The following RBFOX1 variants were observed in gnomAD, a reference collection of about 807,000 sequenced individuals.
The protein encoded by RBFOX1 is RNA binding fox-1 homolog 1, also known as RNA binding protein fox-1 homolog 1.
A neutral mutation model predicts 57.7 loss-of-function variants in RBFOX1; 8 were observed. The observed-to-expected ratio is 0.14, with a 90% CI of 0.08 to 0.25. The LOEUF is 0.25. Among genes scored for constraint, RBFOX1 ranks in the 10% least tolerant of loss-of-function variants. The probability of loss-of-function intolerance (pLI) is 1.00; values close to 1 mark genes in which losing one functional copy is unlikely to be tolerated. For synonymous variants in RBFOX1, 326 were observed against 222.4 expected (o/e 1.47, Z -4.15); for missense variants, 611 against 548.5 (o/e 1.11, Z -1.14).
intron 2 of RBFOX1, among the ~76,000 whole-genome samples, chr16:6,393,532 T>C (rs2092696474): frequency 6.6e-6 from 1 of 152,170 alleles, no homozygotes; most frequent in Admixed American, 6.5e-5. Context: ...GCTTCATGCA[T>C]TCAAATCCTT....
chr16:5,590,457 C>T, intron 2 of RBFOX1, among the ~76,000 whole-genome samples: 1 of 152,132 alleles, frequency 6.6e-6, no homozygotes, highest in East Asian at 1.9e-4. Context: ...ACTGGCATTT[C>T]CTACGAAGGG....
At chr16:6,943,978 C>T (rs1036221032) in intron 3 of RBFOX1, among the ~76,000 whole-genome samples, 3 of 152,146 alleles carry the variant, frequency 2.0e-5, no homozygotes, top group Admixed American at 6.6e-5. Flanking sequence ...GGCTGCCCAA[C>T]TCACGAACTG....
rs548116451 is a variant in RBFOX1, at chr16:6,286,327, G to A, written c.-126-30668G>A. Among the ~76,000 whole-genome samples the A allele has an allele frequency of 5.9e-4, 90 of 152,052 alleles. 1 individual carries two copies. The highest frequency in any genetic ancestry group is 3.5e-3 in the Admixed American group (53 of 15,292). ...GTGAGAAATGCAGTGTCGATAACTTGGGAAGAGTTCAGAAATCTTGACTCA... is the reference window on the plus strand; with the variant it reads ...GTGAGAAATGCAGTGTCGATAACTTAGGAAGAGTTCAGAAATCTTGACTCA... On this transcript the variant is annotated intron_variant, in intron 1 of 15. Coordinates refer to ENST00000550418, the MANE Select transcript of RBFOX1 (RefSeq NM_018723.4).
At chr16:5,807,582 G>C (rs1357083871) in intron 3 of RBFOX1, among the ~76,000 whole-genome samples, 1 of 152,192 alleles carries the variant, frequency 6.6e-6, no homozygotes, top group Admixed American at 6.5e-5. Flanking sequence ...TAATTGCATA[G>C]GTAACCACAC....
At chr16:7,573,113 G>T (rs1241360353) in intron 5 of RBFOX1, among the ~76,000 whole-genome samples, 1 of 152,204 alleles carries the variant, frequency 6.6e-6, no homozygotes, top group Non-Finnish European at 1.5e-5. Flanking sequence ...CATAGGGCCA[G>T]TGAAGGTTTC....
At chr16:7,073,165 C>A (rs2057668376) in intron 4 of RBFOX1, among the ~76,000 whole-genome samples, 1 of 152,170 alleles carries the variant, frequency 6.6e-6, no homozygotes, top group Non-Finnish European at 1.5e-5. Context: ...CTGCAGGCAA[C>A]ATCTGGCTAT....
intron 10 of RBFOX1, among the ~76,000 whole-genome samples, chr16:7,616,903 C>T (rs1457786058): frequency 3.3e-5 from 5 of 151,912 alleles, no homozygotes; most frequent in African/African-American, 1.2e-4. Context: ...GGCCAAAGTC[C>T]AATCCTAAGG....
intron 3 of RBFOX1, among the ~76,000 whole-genome samples, chr16:6,961,736 G>C (rs2083061748): frequency 6.6e-6 from 1 of 152,184 alleles, no homozygotes; most frequent in Non-Finnish European, 1.5e-5. Context: ...AGGGTAGCTT[G>C]TGATTGTTTC....
intron 1 of RBFOX1, among the ~76,000 whole-genome samples, chr16:6,054,093 C>T (rs1409716505): frequency 1.3e-5 from 2 of 152,142 alleles, no homozygotes; most frequent in Admixed American, 6.5e-5. Flanking sequence ...AAATAAATGG[C>T]ACCCCTTGAG....
intron 2 of RBFOX1, among the ~76,000 whole-genome samples, chr16:5,525,491 A>ATTTTTTTTTTTTTTTTTTTTTTTTTTTTT (rs71404528): frequency 1.3e-5 from 1 of 78,270 alleles, no homozygotes; most frequent in Non-Finnish European, 2.3e-5. Context: ...AGCCGACACT[A>ATTTTTTTTTTTTTTTTTTTTTTTTTTTTT]TTTTTTTTTT....
At chr16:7,062,991 G>A (rs1036528213) in intron 4 of RBFOX1, among the ~76,000 whole-genome samples, 1 of 139,348 alleles carries the variant, frequency 7.2e-6, no homozygotes, top group African/African-American at 2.7e-5. Context: ...GATACACTGG[G>A]GAAATGTGCT....
At chr16:6,871,273 C>A (rs1031193082) in intron 3 of RBFOX1, among the ~76,000 whole-genome samples, 2 of 152,152 alleles carry the variant, frequency 1.3e-5, no homozygotes, top group Admixed American at 6.5e-5. Context: ...CTAACCTCCC[C>A]CTCCTGGGTT....
intron 2 of RBFOX1, among the ~76,000 whole-genome samples, chr16:6,442,439 C>T (rs1267270537): frequency 6.6e-6 from 1 of 152,064 alleles, no homozygotes; most frequent in Non-Finnish European, 1.5e-5. Context: ...CGCCTGTAAT[C>T]CCAGCTACTC....
chr16:6,807,997 A>C (rs1172111102), intron 3 of RBFOX1, among the ~76,000 whole-genome samples: 1 of 150,552 alleles, frequency 6.6e-6, no homozygotes, highest in Admixed American at 6.7e-5. Context: ...ATATATATGC[A>C]TAGAACTATA....
At chr16:7,307,523 C>G (rs2096218640) in intron 4 of RBFOX1, among the ~76,000 whole-genome samples, 1 of 152,218 alleles carries the variant, frequency 6.6e-6, no homozygotes, top group African/African-American at 2.4e-5. Context: ...TATCCTGTTT[C>G]ACTTATTTGT....
intron 3 of RBFOX1, among the ~76,000 whole-genome samples, chr16:6,917,134 A>G (rs1002561989): frequency 6.6e-6 from 1 of 152,198 alleles, no homozygotes; most frequent in Non-Finnish European, 1.5e-5. Context: ...TACAGGTGTG[A>G]GCCACTGTAC....
chr16:7,020,662 A>T (rs1230093341), intron 3 of RBFOX1, among the ~76,000 whole-genome samples: 2 of 152,216 alleles, frequency 1.3e-5, no homozygotes, highest in Non-Finnish European at 2.9e-5. Context: ...CAGAAAAGGA[A>T]ATGACATTGG....
rs148170393 is a variant in RBFOX1, at chr16:6,154,432, A to G, written c.-127+134440A>G. On this transcript the variant is annotated intron_variant, in intron 1 of 15. Coordinates refer to ENST00000550418, the MANE Select transcript of RBFOX1 (RefSeq NM_018723.4). ...TGTAACTGTAAAATAACTATGACGT[A>G]GGCAGGGTATTGCATCTGAATAAGC... Among the ~76,000 whole-genome samples the G allele has an allele frequency of 4.3e-3, 660 of 152,356 alleles. 2 individuals are homozygous for G. The highest frequency in any genetic ancestry group is 0.041 in the Middle Eastern group (12 of 294).
chr16:7,694,697 T>A (rs2078246454), intron 14 of RBFOX1, among the ~76,000 whole-genome samples: 1 of 152,198 alleles, frequency 6.6e-6, no homozygotes, highest in Non-Finnish European at 1.5e-5. Flanking sequence ...GTGCAATGGT[T>A]AATTGAATTG....
Sources: gnomAD v4.1 joint callset for allele counts (sites outside exome capture counted in the v4.1 genomes callset) on GRCh38, gnomAD v4.1.1 for gene constraint, MANE v1.5 for transcripts, NCBI Gene and HGNC (gene_info 2026-07-23, HGNC 2026-07-21) for gene names.